UPB1: variants seen among roughly 807,000 people sequenced by gnomAD.
The protein encoded by UPB1 is beta-ureidopropionase.
Under a neutral mutation model 49.1 loss-of-function variants are expected in UPB1, and 40 were observed. That is an observed-to-expected ratio of 0.81 (90% CI 0.63 to 1.06). UPB1 has a LOEUF of 1.06. Among genes scored for constraint, UPB1 ranks in the 50% least tolerant of loss-of-function variants. UPB1 has a pLI of 0.00. For missense variants in UPB1, 499 were observed against 505.9 expected (o/e 0.99, Z 0.13); for synonymous variants, 207 against 198.2 (o/e 1.04, Z -0.38).
intron 7 of UPB1, among the ~76,000 whole-genome samples, chr22:24,521,389 A>G (rs2147039937): frequency 6.6e-6 from 1 of 152,168 alleles, no homozygotes; most frequent in South Asian, 2.1e-4. Context: ...AGGCTGAGGC[A>G]GGAGAATTGC....
At chr22:24,523,382 C>T (rs2044429804) in intron 8 of UPB1, among the ~76,000 whole-genome samples, 2 of 152,234 alleles carry the variant, frequency 1.3e-5, no homozygotes, top group African/African-American at 4.8e-5. Flanking sequence ...AGAAGGGTGA[C>T]ATTTAGACAT....
chr22:24,496,348 G>A (rs1323295962), intron 1 of UPB1, among the ~76,000 whole-genome samples: 2 of 151,054 alleles, frequency 1.3e-5, no homozygotes, highest in Non-Finnish European at 2.9e-5. Flanking sequence ...TCCAGCCTGG[G>A]AGTCAGAGTG....
Position 24,512,101 on chromosome 22 carries a change from G to C in UPB1, c.460-1223G>C, listed in dbSNP as rs542880335. On this transcript the variant is annotated intron_variant, in intron 4 of 9. Transcript: ENST00000326010. Reference sequence around the variant, plus strand: ...ATGGTGACTTTATCAATACTCAGTTGTGATTCCAAACATCGATGTTCTCAG... The same window carrying C: ...ATGGTGACTTTATCAATACTCAGTTCTGATTCCAAACATCGATGTTCTCAG... 3.9e-5 allele frequency among the ~76,000 whole-genome samples: 6 copies of C among 151,980 alleles called. No individual in the cohort carries two copies. In the South Asian group the frequency reaches 1.2e-3, roughly 32 times the overall value.
rs186266848 is a variant in UPB1, at chr22:24,508,945, A to G, written c.365-1804A>G. Reference sequence around the variant, plus strand: ...TTGTGAGGTGGGAGATCTACAAAGTATACTGAATTAGTCCAGACAAGGATT... The same window carrying G: ...TTGTGAGGTGGGAGATCTACAAAGTGTACTGAATTAGTCCAGACAAGGATT... On this transcript the variant is annotated intron_variant, in intron 3 of 9. Transcript: ENST00000326010. Among the ~76,000 whole-genome samples, 102 of 152,344 alleles carry G rather than the reference A, an allele frequency of 6.7e-4. 1 individual carries two copies. Among genetic ancestry groups the G allele is most frequent in the Admixed American group, 6.5e-3 (100 of 15,300 alleles).
intron 3 of UPB1, chr22:24,503,197 T>C (rs1245073679): frequency 6.6e-6 from 1 of 152,366 alleles, no homozygotes; most frequent in African/African-American, 2.4e-5. Context: ...TTTCTATCAA[T>C]TCCTAAATCT....
At chr22:24,495,711 A>G (rs897617950) in intron 1 of UPB1, among the ~76,000 whole-genome samples, 2 of 151,886 alleles carry the variant, frequency 1.3e-5, no homozygotes, top group African/African-American at 2.4e-5. Context: ...GACCTTTACA[A>G]ATCTCTTCTC....
At chr22:24,499,968 G>T in intron 1 of UPB1, 139 bp from the exon 2 acceptor site, 1 of 1,291,298 alleles carries the variant, frequency 7.7e-7, no homozygotes. Context: ...CAGCTCCCTT[G>T]GGCCCTGGCA....
intron 1 of UPB1, among the ~76,000 whole-genome samples, chr22:24,498,726 A>T (rs2043935559): frequency 6.6e-6 from 1 of 152,130 alleles, no homozygotes; most frequent in African/African-American, 2.4e-5. Flanking sequence ...CCATGTTTCC[A>T]CACCCAAGAC....
chr22:24,525,749 C>T lies in UPB1; in HGVS notation c.1110C>T (p.Ala370=), dbSNP rs1237587000. ...ATGAGATGTACGCACGGGAGCTCGC[C>T]GAAGCTGTCAAGTCCAACTACAGCC... ...GRYEMYAREL[A]EAVKSNYSPT... The change falls in exon 10 of 10, where the codon GCC becomes GCT. Residue 370 remains alanine (A), a synonymous_variant. Coordinates refer to ENST00000326010, the MANE Select transcript of UPB1 (RefSeq NM_016327.3). The T allele has an allele frequency of 3.1e-6, 5 of 1,614,190 alleles. No homozygotes were observed. Among genetic ancestry groups the T allele is most frequent in the Admixed American group, 1.7e-5 (1 of 60,012 alleles).
chr22:24,507,477 A>G (rs1467717440), intron 3 of UPB1, among the ~76,000 whole-genome samples: 1 of 152,162 alleles, frequency 6.6e-6, no homozygotes, highest in East Asian at 1.9e-4. Flanking sequence ...TTCTCTGTGA[A>G]ATAAAGGGGG....
chr22:24,496,651 G>C (rs972744097), intron 1 of UPB1, among the ~76,000 whole-genome samples: 5 of 152,154 alleles, frequency 3.3e-5, no homozygotes, highest in Non-Finnish European at 7.4e-5. Flanking sequence ...GGTGGGCGAG[G>C]CTGGGCTTGT....
chr22:24,523,833 C>T, intron 9 of UPB1, 60 bp downstream of exon 9: 1 of 1,611,236 alleles, frequency 6.2e-7, no homozygotes, highest in East Asian at 2.2e-5. Flanking sequence ...ATCCTGCTCT[C>T]AGGAACTGCT....
At chr22:24,502,806 T>G (rs1248827380) in intron 3 of UPB1, 1 of 443,428 alleles carries the variant, frequency 2.3e-6, no homozygotes, top group African/African-American at 2.0e-5. Flanking sequence ...ATGGAAGATG[T>G]CAGTGTTAGC....
At chr22:24,502,867 C>T in intron 3 of UPB1, 1 of 237,360 alleles carries the variant, frequency 4.2e-6, no homozygotes. Flanking sequence ...CTTGTTCTAT[C>T]CCCCCAGCCC....
Position 24,521,988 on chromosome 22 carries a change from G to C in UPB1, c.876G>C (p.Glu292Asp), listed in dbSNP as rs372604379. The part of the protein sequence containing the change: ...FTCAINRVGT[E>D]HFPNEFTSGD... ...CTTACCTTGGTCTTATTTCACAGGAGCACTTCCCGAACGAGTTTACCTCGG... is the reference window on the plus strand; with the variant it reads ...CTTACCTTGGTCTTATTTCACAGGACCACTTCCCGAACGAGTTTACCTCGG... Residue 292 changes from glutamate (E) to aspartate (D), a missense_variant and splice_region_variant, in exon 8 of 10, where the codon GAG (glutamate) becomes GAC (aspartate). Physicochemically the swap from Glu to Asp is conservative, Grantham distance 45 (BLOSUM62 2). Coordinates refer to ENST00000326010, the MANE Select transcript of UPB1 (RefSeq NM_016327.3). 90 of 1,614,006 alleles carry C rather than the reference G, an allele frequency of 5.6e-5. No homozygotes were observed. The highest frequency in any genetic ancestry group is 7.5e-5 in the Non-Finnish European group (89 of 1,180,016).
intron 3 of UPB1, among the ~76,000 whole-genome samples, chr22:24,509,047 G>A (rs2044144214): frequency 6.6e-6 from 1 of 152,174 alleles, no homozygotes; most frequent in Non-Finnish European, 1.5e-5. Context: ...AAAAAATGTA[G>A]GGGAGGAATC....
At position 24,500,102 on chromosome 22, in the gene UPB1, T is replaced by A; in HGVS notation, c.105-5T>A. The A allele has an allele frequency of 6.2e-7, 1 of 1,614,130 alleles. No individual in the cohort carries two copies. Among genetic ancestry groups the A allele is most frequent in the Admixed American group, 1.7e-5 (1 of 60,018 alleles). ...CCCCTTCCCTCTTTTTTCCTGCCCA[T>A]CTAGGAAGCTTGATCTGCCCAGGGA... is the stretch of plus-strand genomic sequence containing the variant. On this transcript the variant is annotated splice_polypyrimidine_tract_variant and splice_region_variant and intron_variant, in intron 1 of 9. Transcript: ENST00000326010.
intron 6 of UPB1, among the ~76,000 whole-genome samples, chr22:24,519,575 G>T (rs2044352590): frequency 6.6e-6 from 1 of 152,190 alleles, no homozygotes; most frequent in African/African-American, 2.4e-5. Context: ...AGCACATGGG[G>T]TGCCTCCCTC....
chr22:24,520,615 GTCC>G (rs1315937885), intron 7 of UPB1, 147 bp downstream of exon 7: 29 of 904,002 alleles, frequency 3.2e-5, no homozygotes, highest in East Asian at 2.4e-4. Flanking sequence ...AGATATCTCT[GTCC>G]TCCTGTTTTT....
Sources: gnomAD v4.1 joint callset for allele counts (sites outside exome capture counted in the v4.1 genomes callset) on GRCh38, gnomAD v4.1.1 for gene constraint, MANE v1.5 for transcripts, NCBI Gene and HGNC (gene_info 2026-07-23, HGNC 2026-07-21) for gene names.